The following GPHN variants were observed in gnomAD, a reference collection of about 807,000 sequenced individuals.
GPHN encodes the protein gephyrin.
Under a neutral mutation model 95.5 loss-of-function variants are expected in GPHN, and 17 were observed. The observed-to-expected ratio is 0.18, with a 90% CI of 0.12 to 0.27. GPHN has a LOEUF of 0.27. Ranked by LOEUF, GPHN falls within the 10% of genes least tolerant of loss-of-function variation. The probability of loss-of-function intolerance (pLI) is 1.00; values close to 1 mark genes in which losing one functional copy is unlikely to be tolerated. For synonymous variants in GPHN, 320 were observed against 322.5 expected, an observed-to-expected ratio of 0.99 and a Z score of 0.08; for missense variants, 660 against 978.1, an observed-to-expected ratio of 0.67 and a Z score of 4.34.
In GPHN at chr14:66,710,003, G is replaced by A. The variant is rs868436946; in HGVS notation, c.143+28818G>A. Among the ~76,000 whole-genome samples, 7 of 152,088 alleles carry A rather than the reference G, an allele frequency of 4.6e-5. No homozygotes were observed. In the South Asian group the frequency reaches 1.5e-3, roughly 32 times the overall value. On this transcript the variant is annotated intron_variant, in intron 2 of 22. Coordinates refer to ENST00000478722, the MANE Select transcript of GPHN (RefSeq NM_020806.5). Reference sequence around the variant, plus strand: ...CATTAGTTATATGAAGGGAAGTAATGGAAAGCTATGTTGGAGGGAGGGGAA... The same window carrying A: ...CATTAGTTATATGAAGGGAAGTAATAGAAAGCTATGTTGGAGGGAGGGGAA...
intron 6 of GPHN, among the ~76,000 whole-genome samples, chr14:66,919,138 G>T (rs757225297): frequency 2.0e-5 from 3 of 152,142 alleles, no homozygotes; most frequent in Non-Finnish European, 2.9e-5. Context: ...TTTGCTTGCT[G>T]TACAATGTTA....
At chr14:67,090,972 A>T (rs543365663) in intron 12 of GPHN, among the ~76,000 whole-genome samples, 101 of 145,368 alleles carry the variant, frequency 6.9e-4, no homozygotes, top group South Asian at 2.8e-3. Context: ...GCACACATTT[A>T]AAAAAAAAAA....
intron 4 of GPHN, among the ~76,000 whole-genome samples, chr14:66,870,943 A>G (rs898114122): frequency 6.6e-6 from 1 of 152,232 alleles, no homozygotes; most frequent in African/African-American, 2.4e-5. Context: ...GCAAAGCCCA[A>G]TAAACCAATT....
intron 2 of GPHN, among the ~76,000 whole-genome samples, chr14:66,717,796 C>T (rs2070328168): frequency 1.3e-5 from 2 of 152,184 alleles, no homozygotes; most frequent in African/African-American, 2.4e-5. Flanking sequence ...AGCCATCTAC[C>T]GCGCCTACCC....
chr14:66,812,268 A>G (rs1042679072), intron 3 of GPHN, among the ~76,000 whole-genome samples: 3 of 152,230 alleles, frequency 2.0e-5, no homozygotes, highest in African/African-American at 4.8e-5. Flanking sequence ...CATCCTCTGC[A>G]TAGCAGAGTT....
At chr14:67,439,581 C>CTTCTTTCTTTT in the GPHN span, among the ~76,000 whole-genome samples, 2 of 118,446 alleles carry the variant, frequency 1.7e-5, no homozygotes, top group African/African-American at 7.9e-5. Context: ...TTCTTTCTTT[C>CTTCTTTCTTTT]TTTCTTTCTT....
At chr14:66,958,794 C>G (rs946653483) in intron 8 of GPHN, among the ~76,000 whole-genome samples, 3 of 152,114 alleles carry the variant, frequency 2.0e-5, no homozygotes, top group Non-Finnish European at 4.4e-5. Flanking sequence ...TTAATTCATT[C>G]TGCCAGTTTC....
the GPHN span, chr14:67,337,269 T>C: frequency 6.6e-6 from 1 of 152,428 alleles, no homozygotes; most frequent in Non-Finnish European, 1.5e-5. Context: ...CCCAGCACTT[T>C]GGGAGGCCGA....
chr14:67,678,321 T>G, the GPHN span: 1 of 1,598,490 alleles, frequency 6.3e-7, no homozygotes, highest in Non-Finnish European at 8.6e-7. Flanking sequence ...GCACTGCCTG[T>G]TAGTCTATTG....
the GPHN span, among the ~76,000 whole-genome samples, chr14:67,394,334 T>C: frequency 6.6e-6 from 1 of 151,958 alleles, no homozygotes; most frequent in South Asian, 2.1e-4. Context: ...AGGTCAAGGC[T>C]GCAGTGAGCC....
chr14:66,807,525 G>T (rs539173428), intron 3 of GPHN, among the ~76,000 whole-genome samples: 55 of 152,286 alleles, frequency 3.6e-4, no homozygotes, highest in African/African-American at 1.3e-3. Flanking sequence ...AGATCATTCT[G>T]CGTGAATGCT....
chr14:67,562,543 T>C, the GPHN span: 1 of 1,608,878 alleles, frequency 6.2e-7, no homozygotes, highest in Non-Finnish European at 8.5e-7. Flanking sequence ...CCAGGGAAGG[T>C]GGTCCTGGCA....
intron 4 of GPHN, among the ~76,000 whole-genome samples, chr14:66,858,340 A>G (rs1222103563): frequency 6.6e-6 from 1 of 151,864 alleles, no homozygotes; most frequent in African/African-American, 2.4e-5. Context: ...CCACAGTAGG[A>G]TAGGACACCA....
the GPHN span, among the ~76,000 whole-genome samples, chr14:67,686,833 G>A: frequency 7.2e-5 from 11 of 152,040 alleles, no homozygotes; most frequent in Admixed American, 7.2e-4. Flanking sequence ...CCTAGTACAG[G>A]AAATGTTTTG....
intron 3 of GPHN, among the ~76,000 whole-genome samples, chr14:66,819,924 A>G (rs1319466244): frequency 6.6e-6 from 1 of 152,148 alleles, no homozygotes; most frequent in Admixed American, 6.5e-5. Context: ...GCTAATATAT[A>G]GTAGCATTTA....
the GPHN span, among the ~76,000 whole-genome samples, chr14:67,687,128 T>C: frequency 2.0e-5 from 3 of 152,178 alleles, no homozygotes; most frequent in Non-Finnish European, 4.4e-5. Context: ...ACCAAATCTC[T>C]CTCAGAAGTT....
At chr14:67,351,439 T>C in the GPHN span, among the ~76,000 whole-genome samples, 1 of 152,352 alleles carries the variant, frequency 6.6e-6, no homozygotes, top group Non-Finnish European at 1.5e-5. Flanking sequence ...CTAAGCCTTA[T>C]ATGTAACTCA....
chr14:66,621,006 C>A (rs1398862889), intron 1 of GPHN, among the ~76,000 whole-genome samples: 1 of 152,160 alleles, frequency 6.6e-6, no homozygotes, highest in African/African-American at 2.4e-5. Flanking sequence ...ACTCTGTCGC[C>A]CAGGCTGGAG....
Position 66,824,497 on chromosome 14 carries a change from T to C in GPHN, c.225T>C (p.Asp75=), listed in dbSNP as rs768963547. ...EIKETLIDWC[D]EKELNLILTT... is the part of the protein sequence containing the mutation. ...AGGAAACCCTGATAGATTGGTGTGA[T>C]GAAAAGGAACTTAATTTGATATTAA... Residue 75 remains aspartate (D), a synonymous_variant, in exon 4 of 23, where the codon GAT becomes GAC. Transcript: ENST00000478722. 7.5e-6 allele frequency: 12 copies of C among 1,590,888 alleles called. No homozygotes were observed. The highest frequency in any genetic ancestry group is 1.7e-4 in the Middle Eastern group (1 of 6,036).
Sources: allele counts gnomAD v4.1 joint callset (sites outside exome capture counted in the v4.1 genomes callset), GRCh38; gene constraint gnomAD v4.1.1; transcripts MANE v1.5; gene names NCBI Gene and HGNC (gene_info 2026-07-23, HGNC 2026-07-21).